NME5: variants seen among roughly 807,000 people sequenced by gnomAD.
The protein encoded by NME5 is NME/NM23 family member 5.
A neutral mutation model predicts 21.6 loss-of-function variants in NME5; 18 were observed. The ratio of observed to expected loss-of-function variants is 0.83; its 90% CI spans 0.58 to 1.24. The LOEUF (loss-of-function observed/expected upper bound fraction) is 1.24. Ranked by LOEUF, NME5 falls within the 50% of genes most tolerant of loss-of-function variation. The probability of loss-of-function intolerance (pLI) is 0.00; values close to 1 mark genes in which losing one functional copy is unlikely to be tolerated. For missense variants in NME5, 223 were observed against 255.4 expected (o/e 0.87, Z 0.86); for synonymous variants, 70 against 80.6 (o/e 0.87, Z 0.71).
intron 4 of NME5, among the ~76,000 whole-genome samples, chr5:138,123,978 T>C (rs1751342281): frequency 1.3e-5 from 2 of 149,484 alleles, no homozygotes; most frequent in Non-Finnish European, 3.0e-5. Flanking sequence ...ATTAGTGATT[T>C]TGAGCACTTT....
intron 4 of NME5, among the ~76,000 whole-genome samples, chr5:138,119,961 G>A (rs1440731564): frequency 6.7e-6 from 1 of 149,372 alleles, no homozygotes; most frequent in Non-Finnish European, 1.5e-5. Flanking sequence ...TTTTGACACA[G>A]GGTCTTGCTC....
intron 2 of NME5, among the ~76,000 whole-genome samples, chr5:138,137,425 C>A (rs1159828499): frequency 6.6e-6 from 1 of 151,982 alleles, no homozygotes; most frequent in African/African-American, 2.4e-5. Flanking sequence ...TCAAGCGATT[C>A]TCCTGCCTCA....
chr5:138,130,851 G>A (rs566867228), intron 2 of NME5, among the ~76,000 whole-genome samples: 8 of 152,050 alleles, frequency 5.3e-5, no homozygotes, highest in African/African-American at 1.2e-4. Context: ...GCTTGAACCC[G>A]GGAGGCAGAG....
At chr5:138,125,961 TAACTTGCTTGA>T (rs1751414850) in intron 4 of NME5, among the ~76,000 whole-genome samples, 1 of 152,228 alleles carries the variant, frequency 6.6e-6, no homozygotes, top group East Asian at 1.9e-4. Context: ...AATATCTTGA[TAACTTGCTTGA>T]GTGAATCATC....
intron 4 of NME5, among the ~76,000 whole-genome samples, chr5:138,125,602 A>G (rs1751380107): frequency 6.6e-6 from 1 of 152,078 alleles, no homozygotes; most frequent in Non-Finnish European, 1.5e-5. Context: ...AAAGGGAAAG[A>G]AGAGAGCATT....
intron 2 of NME5, chr5:138,138,380 G>A: frequency 3.1e-6 from 1 of 321,514 alleles, no homozygotes; most frequent in Non-Finnish European, 5.7e-6. Context: ...TAAATGCATA[G>A]AAAACTCCTG....
intron 4 of NME5, among the ~76,000 whole-genome samples, chr5:138,125,490 G>T (rs1751376731): frequency 1.3e-5 from 2 of 152,168 alleles, no homozygotes; most frequent in Admixed American, 1.3e-4. Flanking sequence ...GAGGTAGGAG[G>T]ATTGCTTGAG....
intron 4 of NME5, among the ~76,000 whole-genome samples, chr5:138,122,754 T>G: frequency 6.6e-6 from 1 of 151,716 alleles, no homozygotes; most frequent in Non-Finnish European, 1.5e-5. Flanking sequence ...CTCGGTTCAC[T>G]GCAACCTCTG....
At chr5:138,126,896 G>A (rs1324266958) in intron 4 of NME5, among the ~76,000 whole-genome samples, 2 of 152,006 alleles carry the variant, frequency 1.3e-5, no homozygotes, top group Non-Finnish European at 2.9e-5. Context: ...GCCATGAGTC[G>A]TGATCATGCT....
At chr5:138,119,063 T>A in intron 4 of NME5, 127 bp from the exon 5 acceptor site, 2 of 576,474 alleles carry the variant, frequency 3.5e-6, no homozygotes, top group Non-Finnish European at 6.1e-6. Context: ...GGAGTCTTAC[T>A]CTGTTGCCTG....
At chr5:138,134,711 T>A (rs1223521162) in intron 2 of NME5, among the ~76,000 whole-genome samples, 1 of 150,180 alleles carries the variant, frequency 6.7e-6, no homozygotes, top group African/African-American at 2.5e-5. Context: ...ACTAGCCACT[T>A]AATTATTAAG....
chr5:138,127,117 A>G (rs1256349394), intron 4 of NME5, among the ~76,000 whole-genome samples: 1 of 152,116 alleles, frequency 6.6e-6, no homozygotes, highest in South Asian at 2.1e-4. Flanking sequence ...GAAAAAATAT[A>G]TATTTCTAAA....
intron 2 of NME5, among the ~76,000 whole-genome samples, chr5:138,134,645 G>A (rs1312634692): frequency 1.3e-5 from 2 of 152,058 alleles, no homozygotes; most frequent in African/African-American, 4.8e-5. Flanking sequence ...CTCCCAAAGT[G>A]CTGTGATTAC....
At chr5:138,119,766 C>A (rs1011521044) in intron 4 of NME5, among the ~76,000 whole-genome samples, 1 of 151,822 alleles carries the variant, frequency 6.6e-6, no homozygotes, top group Admixed American at 6.6e-5. Context: ...AAGCAATTCT[C>A]CTGCCTCAGC....
chr5:138,121,373 G>A (rs1751282318), intron 4 of NME5, among the ~76,000 whole-genome samples: 1 of 151,962 alleles, frequency 6.6e-6, no homozygotes, highest in Non-Finnish European at 1.5e-5. Flanking sequence ...GCTGTAGTGG[G>A]CACCACTGCA....
chr5:138,126,510 CAAAAAAAAAAAA>C (rs57938582), intron 4 of NME5, among the ~76,000 whole-genome samples: 6 of 54,226 alleles, frequency 1.1e-4, no homozygotes, highest in Admixed American at 1.0e-3. Flanking sequence ...GAATCTATCT[CAAAAAAAAAAAA>C]AAAAAAAAAA....
At chr5:138,135,374 G>A (rs1450349232) in intron 2 of NME5, among the ~76,000 whole-genome samples, 1 of 148,808 alleles carries the variant, frequency 6.7e-6, no homozygotes, top group Non-Finnish European at 1.5e-5. Flanking sequence ...TCCCTCTGTC[G>A]CCCAGGCTGG....
intron 4 of NME5, among the ~76,000 whole-genome samples, chr5:138,125,880 T>C (rs217279): frequency 0.98 from 149,623 of 152,308 alleles, 73,551 homozygotes; most frequent in Middle Eastern, 1. Context: ...TCCCAAAGTG[T>C]TGTGATCACA....
In NME5 at chr5:138,129,545, G is replaced by C. The variant is rs1751511577; in HGVS notation, c.130-77C>G. On this transcript the variant is annotated intron_variant, in intron 2 of 5. Coordinates refer to ENST00000265191, the MANE Select transcript of NME5 (RefSeq NM_003551.3). ...AGCTCATTAAAATCATTAGTAACTT[G>C]AAACTAGTACCAATCTGATTATAAC... 3 of 954,322 alleles carry C rather than the reference G, an allele frequency of 3.1e-6. No homozygotes were observed. In the African/African-American group the frequency reaches 4.9e-5, roughly 16 times the overall value. 59.1% of individuals were successfully genotyped at this position (954,322 alleles called of 1,614,324 possible).
Sources: gnomAD v4.1 joint callset for allele counts (sites outside exome capture counted in the v4.1 genomes callset) on GRCh38, gnomAD v4.1.1 for gene constraint, MANE v1.5 for transcripts, NCBI Gene and HGNC (gene_info 2026-07-23, HGNC 2026-07-21) for gene names.